DLG2: variants seen among roughly 807,000 people sequenced by gnomAD.
DLG2 encodes the protein discs large MAGUK scaffold protein 2.
A neutral mutation model predicts 132.5 loss-of-function variants in DLG2; 45 were observed. The ratio of observed to expected loss-of-function variants is 0.34; its 90% CI spans 0.27 to 0.44. The LOEUF (loss-of-function observed/expected upper bound fraction) is 0.44, where lower values mean the gene tolerates loss of function less well. Ranked by LOEUF, DLG2 falls within the 20% of genes least tolerant of loss-of-function variation. The pLI is 1.00. For missense variants in DLG2, 1,045 were observed against 1,196.9 expected, an observed-to-expected ratio of 0.87 and a Z score of 1.87; for synonymous variants, 424 against 419.6, an observed-to-expected ratio of 1.01 and a Z score of -0.13.
intron 18 of DLG2, among the ~76,000 whole-genome samples, chr11:83,699,200 T>C (rs957368169): frequency 2.0e-5 from 3 of 152,136 alleles, no homozygotes; most frequent in Non-Finnish European, 4.4e-5. Context: ...TTAAAAAGGA[T>C]GTAAAGAAGA....
intron 7 of DLG2, among the ~76,000 whole-genome samples, chr11:84,282,412 T>C (rs2097862294): frequency 6.6e-6 from 1 of 152,050 alleles, no homozygotes; most frequent in Non-Finnish European, 1.5e-5. Context: ...TCTGGAGAGA[T>C]TACAAAAAGG....
At chr11:84,438,386 A>G (rs1160664179) in intron 7 of DLG2, among the ~76,000 whole-genome samples, 2 of 152,142 alleles carry the variant, frequency 1.3e-5, no homozygotes, top group South Asian at 2.1e-4. Flanking sequence ...TTACAGGACG[A>G]TTTTTTGACA....
intron 6 of DLG2, among the ~76,000 whole-genome samples, chr11:84,760,265 GC>G (rs1565892260): frequency 6.6e-6 from 1 of 152,100 alleles, no homozygotes; most frequent in East Asian, 1.9e-4. Context: ...TCTATCCAGG[GC>G]TGCCAAGCAA....
At chr11:84,951,420 T>C (rs889783860) in intron 6 of DLG2, among the ~76,000 whole-genome samples, 1 of 152,140 alleles carries the variant, frequency 6.6e-6, no homozygotes, top group African/African-American at 2.4e-5. Context: ...GTAAATTAAA[T>C]GGCAAACACT....
chr11:84,278,477 T>A (rs1044129444), intron 7 of DLG2, among the ~76,000 whole-genome samples: 3 of 151,734 alleles, frequency 2.0e-5, no homozygotes, highest in Non-Finnish European at 4.4e-5. Context: ...AGATCATTTT[T>A]TTTTTTTGAG....
intron 6 of DLG2, among the ~76,000 whole-genome samples, chr11:84,931,621 A>T (rs1186635415): frequency 6.6e-6 from 1 of 152,218 alleles, no homozygotes; most frequent in Non-Finnish European, 1.5e-5. Flanking sequence ...CTTTGGGTAT[A>T]TAGCCAGTAA....
chr11:84,025,377 GC>G lies in DLG2; in HGVS notation c.919+33937del, dbSNP rs536079103. Among the ~76,000 whole-genome samples the G allele has an allele frequency of 5.1e-3, 778 of 152,104 alleles. 2 individuals are homozygous for G. The highest frequency in any genetic ancestry group is 9.0e-3 in the Admixed American group (137 of 15,244). On this transcript the variant is annotated intron_variant, in intron 11 of 27. Transcript: ENST00000376104. ...CACAACAACAGCACAGGAAAGACCT[GC>G]CCCCATGTTTCAATTACCTCCCACT... is the stretch of plus-strand genomic sequence containing the variant.
At chr11:85,457,916 G>A (rs286514) in intron 3 of DLG2, among the ~76,000 whole-genome samples, 1,797 of 152,190 alleles carry the variant, frequency 0.012, 109 homozygotes, top group Admixed American at 0.11. Context: ...GTGTCTCGGG[G>A]ATGGTCCCCT....
At chr11:83,467,036 G>C (rs2091159419) in intron 25 of DLG2, among the ~76,000 whole-genome samples, 1 of 152,198 alleles carries the variant, frequency 6.6e-6, no homozygotes, top group Non-Finnish European at 1.5e-5. Flanking sequence ...CAAAGTGTCT[G>C]CTACTGGACT....
At position 84,060,483 on chromosome 11, in the gene DLG2, AG is replaced by A. The variant is rs565737753; in HGVS notation, c.750-1000del. On this transcript the variant is annotated intron_variant, in intron 10 of 27. Coordinates refer to ENST00000376104, the MANE Select transcript of DLG2 (RefSeq NM_001142699.3). ...GAGAACCTCAGATAATCCTGTTCCT[AG>A]GTGCTTACTTTGAAAACTAAGAACC... Among the ~76,000 whole-genome samples the A allele has an allele frequency of 4.0e-5, 6 of 151,566 alleles. No individual in the cohort carries two copies. In the South Asian group the frequency reaches 1.2e-3, roughly 32 times the overall value.
At chr11:84,502,325 T>C (rs374731898) in intron 7 of DLG2, among the ~76,000 whole-genome samples, 7 of 15,340 alleles carry the variant, frequency 4.6e-4, no homozygotes, top group South Asian at 2.0e-3. Context: ...TTTCTTTCTT[T>C]CTTTCTTTCT....
intron 15 of DLG2, among the ~76,000 whole-genome samples, chr11:83,896,082 G>A (rs2071584981): frequency 6.6e-6 from 1 of 152,126 alleles, no homozygotes; most frequent in Admixed American, 6.5e-5. Flanking sequence ...GACAAGGGGT[G>A]GGGGAAATTA....
At chr11:83,866,068 C>A (rs1235129482) in intron 16 of DLG2, among the ~76,000 whole-genome samples, 2 of 152,008 alleles carry the variant, frequency 1.3e-5, no homozygotes, top group Non-Finnish European at 2.9e-5. Flanking sequence ...CAGAGCATCA[C>A]AGTCCCCCCT....
chr11:85,053,524 C>G (rs538699302), intron 6 of DLG2, among the ~76,000 whole-genome samples: 1 of 151,212 alleles, frequency 6.6e-6, no homozygotes, highest in Non-Finnish European at 1.5e-5. Context: ...CGTGGTGGCT[C>G]ACGCCTGTAA....
Position 84,158,302 on chromosome 11 carries a change from A to G in DLG2, c.624+5159T>C, listed in dbSNP as rs183447705. ...ATGGTCTCGATCTCCTGACCTCGTG[A>G]TCCGCCCAGCTTGGCCTCCCAAAGG... On this transcript the variant is annotated intron_variant, in intron 9 of 27. Coordinates refer to ENST00000376104, the MANE Select transcript of DLG2 (RefSeq NM_001142699.3). 4.7e-4 allele frequency among the ~76,000 whole-genome samples: 72 copies of G among 152,212 alleles called. 1 individual carries two copies. Among genetic ancestry groups the G allele is most frequent in the Admixed American group, 4.6e-4 (7 of 15,298 alleles).
At chr11:84,171,054 T>A (rs1808179791) in intron 8 of DLG2, among the ~76,000 whole-genome samples, 1 of 152,076 alleles carries the variant, frequency 6.6e-6, no homozygotes, top group South Asian at 2.1e-4. Flanking sequence ...TTGGCTCCAC[T>A]CGAGGACATT....
chr11:84,350,200 AAAT>A (rs2098557665), intron 7 of DLG2, among the ~76,000 whole-genome samples: 3 of 150,682 alleles, frequency 2.0e-5, no homozygotes, highest in South Asian at 4.3e-4. Context: ...AAAAAAAAAA[AAAT>A]CCAGGCTAAA....
intron 19 of DLG2, among the ~76,000 whole-genome samples, chr11:83,595,900 G>T (rs1342525270): frequency 1.3e-5 from 2 of 152,078 alleles, no homozygotes; most frequent in Non-Finnish European, 2.9e-5. Flanking sequence ...GTCGTAATAG[G>T]TGCATTATAA....
chr11:85,082,439 G>C (rs1472217189), intron 6 of DLG2, among the ~76,000 whole-genome samples: 2 of 152,036 alleles, frequency 1.3e-5, no homozygotes, highest in Non-Finnish European at 2.9e-5. Context: ...AGCCAACAAG[G>C]TTGGGTAAGG....
Sources: gnomAD v4.1 joint callset for allele counts (sites outside exome capture counted in the v4.1 genomes callset) on GRCh38, gnomAD v4.1.1 for gene constraint, MANE v1.5 for transcripts, NCBI Gene and HGNC (gene_info 2026-07-23, HGNC 2026-07-21) for gene names.